Variants in MAP4K3 observed in about 807,000 individuals in gnomAD.
MAP4K3 encodes mitogen-activated protein kinase kinase kinase kinase 3.
MAP4K3 carries 94 observed loss-of-function variants against 143.5 expected under a neutral mutation model. The observed-to-expected ratio is 0.65, with a 90% CI of 0.55 to 0.78. The LOEUF is 0.78. MAP4K3 is among the 30% of genes least tolerant of loss of function. The probability of loss-of-function intolerance (pLI) is 0.00; values close to 1 mark genes in which losing one functional copy is unlikely to be tolerated. For missense variants in MAP4K3, 1,077 were observed against 1,068.1 expected (o/e 1.01, Z -0.12); for synonymous variants, 416 against 347.2 (o/e 1.20, Z -2.20).
intron 6 of MAP4K3, among the ~76,000 whole-genome samples, chr2:39,335,967 G>A (rs1489360016): frequency 6.6e-6 from 1 of 152,020 alleles, no homozygotes; most frequent in Non-Finnish European, 1.5e-5. Context: ...TAGAGAAAAT[G>A]TTAGAAAACA....
At chr2:39,259,275 C>T (rs940108014) in intron 29 of MAP4K3, among the ~76,000 whole-genome samples, 2 of 152,228 alleles carry the variant, frequency 1.3e-5, no homozygotes, top group South Asian at 2.1e-4. Flanking sequence ...TGGGAATTCA[C>T]GGAAATGAAA....
chr2:39,388,408 G>A (rs1666567806), intron 1 of MAP4K3, among the ~76,000 whole-genome samples: 1 of 152,194 alleles, frequency 6.6e-6, no homozygotes, highest in Admixed American at 6.5e-5. Flanking sequence ...GTGGCACAAA[G>A]AGATGTAGTA....
intron 1 of MAP4K3, among the ~76,000 whole-genome samples, chr2:39,385,455 G>A (rs760984576): frequency 2.7e-5 from 4 of 150,874 alleles, no homozygotes; most frequent in African/African-American, 4.9e-5. Flanking sequence ...GTCTATTCAT[G>A]TGCTTACCTG....
intron 29 of MAP4K3, among the ~76,000 whole-genome samples, chr2:39,258,788 G>A (rs1260539669): frequency 6.6e-6 from 1 of 152,238 alleles, no homozygotes; most frequent in Non-Finnish European, 1.5e-5. Context: ...CAGAGCATAT[G>A]TTGGCTGTTG....
At chr2:39,358,119 T>C (rs1665662441) in intron 2 of MAP4K3, among the ~76,000 whole-genome samples, 1 of 152,220 alleles carries the variant, frequency 6.6e-6, no homozygotes. Context: ...CAGATATACC[T>C]GTACATGACC....
chr2:39,419,723 G>A (rs1667493989), intron 1 of MAP4K3, among the ~76,000 whole-genome samples: 1 of 152,114 alleles, frequency 6.6e-6, no homozygotes, highest in African/African-American at 2.4e-5. Flanking sequence ...AGAGACCCCA[G>A]AAGAAAAATA....
rs115552625 is a variant in MAP4K3, at chr2:39,281,507, G to C, written c.1629+1006C>G. On this transcript the variant is annotated intron_variant, in intron 22 of 33. Transcript: ENST00000263881. The stretch of plus-strand genomic sequence containing the variant: ...ACCCTAATAACGACCTTTTAAGACA[G>C]CTACGGAAATTTCTGTGTTAGGGTA... Among the ~76,000 whole-genome samples, 788 of 152,246 alleles carry C rather than the reference G, an allele frequency of 5.2e-3. 4 individuals are homozygous for C. Among genetic ancestry groups the C allele is most frequent in the Non-Finnish European group, 8.9e-3 (603 of 68,000 alleles).
At chr2:39,321,519 A>G (rs1257171541) in intron 12 of MAP4K3, among the ~76,000 whole-genome samples, 3 of 152,168 alleles carry the variant, frequency 2.0e-5, no homozygotes, top group Non-Finnish European at 4.4e-5. Flanking sequence ...CCCATGTGAT[A>G]GTCTGAAATA....
chr2:39,305,349 A>G (rs1157030424), intron 15 of MAP4K3, among the ~76,000 whole-genome samples: 3 of 152,232 alleles, frequency 2.0e-5, no homozygotes. Context: ...GCAACACAGT[A>G]CAGTGGTTTA....
chr2:39,279,441 T>C (rs995051986), intron 23 of MAP4K3, among the ~76,000 whole-genome samples: 5 of 152,188 alleles, frequency 3.3e-5, no homozygotes, highest in African/African-American at 9.7e-5. Flanking sequence ...TGTATGTGTA[T>C]GTATATAAAA....
At chr2:39,293,954 T>A (rs1682162701) in intron 16 of MAP4K3, 1 of 152,202 alleles carries the variant, frequency 6.6e-6, no homozygotes, top group Non-Finnish European at 1.5e-5. Context: ...TATACAAAAC[T>A]TTAATTTTCA....
intron 2 of MAP4K3, among the ~76,000 whole-genome samples, chr2:39,369,192 A>AGTTTTTTTGTTT (rs1458075415): frequency 5.5e-4 from 10 of 18,090 alleles, no homozygotes; most frequent in African/African-American, 2.6e-3. Flanking sequence ...CCTTTGGGCT[A>AGTTTTTTTGTTT]GTTTTTTTTT....
chr2:39,369,205 G>GTTTTTTTTTTTTTTTTTTTT (rs68013609), intron 2 of MAP4K3, among the ~76,000 whole-genome samples: 5 of 125,366 alleles, frequency 4.0e-5, no homozygotes, highest in East Asian at 4.6e-4. Context: ...TTTTTTTTTT[G>GTTTTTTTTTTTTTTTTTTTT]TTTTTTTTGA....
chr2:39,306,753 G>A (rs1682721538), intron 15 of MAP4K3, among the ~76,000 whole-genome samples: 1 of 152,202 alleles, frequency 6.6e-6, no homozygotes, highest in Non-Finnish European at 1.5e-5. Flanking sequence ...GCCAGCATCT[G>A]GTCCCTTTTC....
At chr2:39,376,128 A>C (rs1573215785) in intron 2 of MAP4K3, among the ~76,000 whole-genome samples, 1 of 152,328 alleles carries the variant, frequency 6.6e-6, no homozygotes, top group African/African-American at 2.4e-5. Context: ...GGAAGTGACA[A>C]ACTGTTTTCC....
intron 1 of MAP4K3, among the ~76,000 whole-genome samples, chr2:39,434,970 G>T (rs185828348): frequency 6.2e-4 from 95 of 152,090 alleles, no homozygotes; most frequent in African/African-American, 2.2e-3. Flanking sequence ...TAATCATGTG[G>T]CTTAACTACT....
At chr2:39,269,953 C>T (rs1485202162) in intron 26 of MAP4K3, among the ~76,000 whole-genome samples, 1 of 152,082 alleles carries the variant, frequency 6.6e-6, no homozygotes, top group Non-Finnish European at 1.5e-5. Flanking sequence ...AACAAAAACT[C>T]CCCACACTCT....
intron 24 of MAP4K3, among the ~76,000 whole-genome samples, chr2:39,277,658 G>A (rs1399455751): frequency 2.0e-5 from 3 of 151,876 alleles, no homozygotes; most frequent in East Asian, 2.0e-4. Flanking sequence ...TCCTCCTCCC[G>A]GGTTCAAGTG....
At chr2:39,337,700 TA>T (rs2148528536) in intron 4 of MAP4K3, 119 bp from the exon 5 acceptor site, 1 of 555,746 alleles carries the variant, frequency 1.8e-6, no homozygotes, top group African/African-American at 1.9e-5. Flanking sequence ...TACTGAAATG[TA>T]AGCTAGGACT....
Sources: gnomAD v4.1 joint callset for allele counts (sites outside exome capture counted in the v4.1 genomes callset) on GRCh38, gnomAD v4.1.1 for gene constraint, MANE v1.5 for transcripts, NCBI Gene and HGNC (gene_info 2026-07-23, HGNC 2026-07-21) for gene names.